The following TKT variants were observed in gnomAD, a reference collection of about 807,000 sequenced individuals.
TKT encodes the protein epididymis luminal protein 107.
A neutral mutation model predicts 63.9 loss-of-function variants in TKT; 47 were observed. The observed-to-expected ratio is 0.74, with a 90% confidence interval of 0.58 to 0.94. The LOEUF is 0.94. TKT is among the 40% of genes least tolerant of loss of function. The pLI is 0.00. For synonymous variants in TKT, 338 were observed against 334.1 expected, an observed-to-expected ratio of 1.01 and a Z score of -0.13; for missense variants, 721 against 846.2, an observed-to-expected ratio of 0.85 and a Z score of 1.84.
At chr3:53,253,794 G>T (rs1359407671) in intron 1 of TKT, among the ~76,000 whole-genome samples, 4 of 151,928 alleles carry the variant, frequency 2.6e-5, no homozygotes, top group Non-Finnish European at 5.9e-5. Context: ...AAGCTATGGG[G>T]TCTCACTGTG....
chr3:53,227,005 G>A, intron 12 of TKT, 127 bp from the exon 13 acceptor site: 1 of 1,211,386 alleles, frequency 8.3e-7, no homozygotes, highest in Non-Finnish European at 1.1e-6. Flanking sequence ...GCCTGTCCCT[G>A]TCCCAGGGAG....
At chr3:53,228,566 G>A (rs1704604151) in intron 10 of TKT, 2 of 584,192 alleles carry the variant, frequency 3.4e-6, no homozygotes, top group Non-Finnish European at 6.0e-6. Context: ...TGCAGCCTCA[G>A]ACCGAAGGCA....
In TKT at chr3:53,226,120, T is replaced by C. The variant is rs563003551; in HGVS notation, c.1697-189A>G. 4.2e-5 allele frequency: 22 copies of C among 530,026 alleles called. 1 individual carries two copies. In the East Asian group the frequency reaches 4.8e-4, roughly 12 times the overall value. 32.8% of individuals were successfully genotyped at this position (530,026 alleles called of 1,614,324 possible). On this transcript the variant is annotated intron_variant, in intron 13 of 13. Coordinates refer to ENST00000462138, the MANE Select transcript of TKT (RefSeq NM_001064.4). ...TTAAAGAGACAGACAGGTATCACCA[T>C]GTTGCCCAGGCTGGTCTCCCAACTC...
rs370696667 is a variant in TKT at position 53,229,099 on chromosome 3, C to T, written c.1303G>A (p.Ala435Thr). ...GATGTGGGGACTGACCGAAACATAG[C>T]CAGATCTTCTAGGGCCATCTGGGAG... is the stretch of plus-strand genomic sequence containing the variant. Reference protein sequence around the residue: ...GPSQMALEDLAMFRSVPTSTV... With the variant: ...GPSQMALEDLTMFRSVPTSTV... Residue 435 changes from alanine to threonine, a missense_variant, in exon 10 of 14, where the codon GCT becomes ACT. Physicochemically the swap from Ala to Thr is moderately conservative, Grantham distance 58. Transcript: ENST00000462138. 2.5e-6 allele frequency: 4 copies of T among 1,614,026 alleles called. No homozygotes were observed. The highest frequency in any genetic ancestry group is 2.7e-5 in the African/African-American group (2 of 74,924).
intron 4 of TKT, chr3:53,237,900 G>C (rs1553679049): frequency 6.6e-6 from 1 of 152,202 alleles, no homozygotes; most frequent in Non-Finnish European, 1.5e-5. Context: ...ACTCCAGCCT[G>C]GGTGACAGAG....
chr3:53,240,238 G>T lies in TKT; in HGVS notation c.437+13C>A. 1.2e-6 allele frequency: 2 copies of T among 1,608,500 alleles called. No individual in the cohort carries two copies. The highest frequency in any genetic ancestry group is 1.7e-6 in the Non-Finnish European group (2 of 1,175,822). ...AAACTACCCAGGTTGGGGGTGGGGA[G>T]TAGGTGTGTTACCTGGCCTTGTCGA... On this transcript the variant is annotated intron_variant, in intron 4 of 13. Coordinates refer to ENST00000462138, the MANE Select transcript of TKT (RefSeq NM_001064.4).
chr3:53,240,096 T>C (rs1267345951), intron 4 of TKT, among the ~76,000 whole-genome samples, 155 bp downstream of exon 4: 2 of 152,216 alleles, frequency 1.3e-5, no homozygotes, highest in East Asian at 1.9e-4. Context: ...GCACCAGCCA[T>C]AGCGGATGTT....
Position 53,233,244 on chromosome 3 carries a change from G to A in TKT, c.660C>T (p.Ser220=), listed in dbSNP as rs771987261. 1.6e-4 allele frequency: 258 copies of A among 1,612,828 alleles called. No individual in the cohort carries two copies. Among genetic ancestry groups the A allele is most frequent in the Non-Finnish European group, 2.1e-4 (242 of 1,179,568 alleles). ...CAAAGGCCTTGCACAGCTCCTCCAC[G>A]CTGTGTCCATCCACGATGATGGCAT... The part of the protein sequence containing the change: ...GWHAIIVDGH[S]VEELCKAFGQ... The change falls in exon 6 of 14, where the codon AGC becomes AGT. Residue 220 remains serine, a synonymous_variant. Transcript: ENST00000462138.
intron 1 of TKT, among the ~76,000 whole-genome samples, chr3:53,255,624 G>A (rs1349920855): frequency 6.6e-6 from 1 of 152,086 alleles, no homozygotes; most frequent in African/African-American, 2.4e-5. Context: ...CCACGCGGCC[G>A]AGCCCGGGCG....
intron 12 of TKT, chr3:53,227,459 TCAATTCCTACC>T (rs2106657290): frequency 6.3e-6 from 1 of 159,658 alleles, no homozygotes; most frequent in East Asian, 1.9e-4. Flanking sequence ...TCTCTGCTAA[TCAATTCCTACC>T]CACTCTGAAG....
Position 53,230,342 on chromosome 3 carries a change from C to A in TKT, c.1107+115G>T, listed in dbSNP as rs544436320. 7.6e-4 allele frequency: 1,040 copies of A among 1,366,884 alleles called. 1 individual carries two copies. The African/African-American group carries it at 0.01, about 13-fold the overall frequency. The allele number at this position is 1,366,884 out of a possible 1,614,324, so 84.7% of individuals were successfully genotyped here. A position where few individuals can be genotyped will look rare whatever the true frequency, so the allele number is the denominator to read the frequency against. Reference sequence around the variant, plus strand: ...GCTGGGTCCTGGCTTTTCTTATAGTCTCCCTGGGCTGGCCTACAGCAGGCA... The same window carrying A: ...GCTGGGTCCTGGCTTTTCTTATAGTATCCCTGGGCTGGCCTACAGCAGGCA... On this transcript the variant is annotated intron_variant, in intron 8 of 13. Coordinates refer to ENST00000462138, the MANE Select transcript of TKT (RefSeq NM_001064.4).
chr3:53,229,464 C>T (rs782440117), intron 8 of TKT, 28 bp from the exon 9 acceptor site: 2 of 1,586,734 alleles, frequency 1.3e-6, no homozygotes, highest in Admixed American at 3.6e-5. Context: ...AGGGTCAGCC[C>T]AAAGGGGCAG....
Position 53,255,768 on chromosome 3 carries a change from G to A in TKT, c.107+68C>T, listed in dbSNP as rs945091123. The A allele has an allele frequency of 3.0e-5, 33 of 1,105,836 alleles. No homozygotes were observed. The African/African-American group carries it at 4.2e-4, about 14-fold the overall frequency. The allele number at this position is 1,105,836 out of a possible 1,614,324, so 68.5% of individuals were successfully genotyped here. On this transcript the variant is annotated intron_variant, in intron 1 of 13. Coordinates refer to ENST00000462138, the MANE Select transcript of TKT (RefSeq NM_001064.4). Reference sequence around the variant, plus strand: ...CGCAGCGCGACCCAGAGCCCGCGGCGACTCTGGCCGCCGCAGACGCCCCCC... The same window carrying A: ...CGCAGCGCGACCCAGAGCCCGCGGCAACTCTGGCCGCCGCAGACGCCCCCC...
intron 1 of TKT, among the ~76,000 whole-genome samples, chr3:53,246,775 C>T (rs1407392976): frequency 2.0e-5 from 3 of 151,084 alleles, no homozygotes; most frequent in Admixed American, 6.6e-5. Context: ...CGTTTGAACC[C>T]GGGAGGCGGA....
chr3:53,231,893 C>A (rs1280513367), intron 6 of TKT: 2 of 326,352 alleles, frequency 6.1e-6, no homozygotes, highest in East Asian at 5.5e-5. Flanking sequence ...CACAACCCCG[C>A]CTGCAGGGTC....
chr3:53,234,848 C>G (rs1553678102), intron 5 of TKT, 135 bp downstream of exon 5: 1 of 884,444 alleles, frequency 1.1e-6, no homozygotes, highest in African/African-American at 1.7e-5. Flanking sequence ...AATTGTGAGT[C>G]AAATGCTAAA....
Position 53,233,449 on chromosome 3 carries a change from T to C in TKT, c.630-175A>G. 9.8e-6 allele frequency: 5 copies of C among 512,418 alleles called. No individual in the cohort carries two copies. In the South Asian group the frequency reaches 1.5e-4, roughly 15 times the overall value. 31.7% of individuals were successfully genotyped at this position (512,418 alleles called of 1,614,324 possible). ...CATTCCTGTTTCCAGTTTGGGTTTT[T>C]TAAATCCTTTTCTTTTTCACATTAT... On this transcript the variant is annotated intron_variant, in intron 5 of 13. Transcript: ENST00000462138.
intron 4 of TKT, among the ~76,000 whole-genome samples, chr3:53,237,370 A>G (rs1452544068): frequency 6.6e-6 from 1 of 152,064 alleles, no homozygotes; most frequent in Non-Finnish European, 1.5e-5. Flanking sequence ...CCTGGGTGAC[A>G]GAGCAAGACT....
intron 2 of TKT, among the ~76,000 whole-genome samples, chr3:53,241,457 G>C (rs1705272334): frequency 6.6e-6 from 1 of 152,276 alleles, no homozygotes; most frequent in African/African-American, 2.4e-5. Context: ...AGGCCAGGCA[G>C]GCACTAAGAC....
Sources: gnomAD v4.1 joint callset for allele counts (sites outside exome capture counted in the v4.1 genomes callset) on GRCh38, gnomAD v4.1.1 for gene constraint, MANE v1.5 for transcripts, NCBI Gene and HGNC (gene_info 2026-07-23, HGNC 2026-07-21) for gene names.